Variants in FAM222B observed in about 807,000 individuals in gnomAD.
FAM222B encodes family with sequence similarity 222 member B, also known as protein FAM222B.
In FAM222B, 12 loss-of-function variants were observed where a neutral mutation model predicts 38.0. The ratio of observed to expected loss-of-function variants is 0.32; its 90% CI spans 0.20 to 0.51. The LOEUF (loss-of-function observed/expected upper bound fraction) is 0.51. Among genes scored for constraint, FAM222B ranks in the 20% least tolerant of loss-of-function variants. FAM222B has a pLI of 0.97. For missense variants in FAM222B, 716 were observed against 754.2 expected (o/e 0.95, Z 0.59); for synonymous variants, 329 against 317.2 (o/e 1.04, Z -0.40).
At chr17:28,799,589 G>A (rs2037122276) in intron 1 of FAM222B, among the ~76,000 whole-genome samples, 1 of 152,038 alleles carries the variant, frequency 6.6e-6, no homozygotes, top group Admixed American at 6.6e-5. Flanking sequence ...GATTACAGGC[G>A]TGAGCCACCG....
intron 1 of FAM222B, among the ~76,000 whole-genome samples, chr17:28,840,611 C>T (rs1486316381): frequency 2.0e-5 from 3 of 152,176 alleles, no homozygotes; most frequent in Non-Finnish European, 2.9e-5. Flanking sequence ...AGCGACAGGT[C>T]CCCGGAGCAG....
At chr17:28,852,828 CAGAG>C in intron 1 of FAM222B, among the ~76,000 whole-genome samples, 1 of 152,170 alleles carries the variant, frequency 6.6e-6, no homozygotes, top group South Asian at 2.1e-4. Context: ...GAGGCCAAGG[CAGAG>C]GATCACTTGA....
rs551034235 is a variant in FAM222B, at chr17:28,805,603, G to A, written c.-41+37079C>T. Among the ~76,000 whole-genome samples the A allele has an allele frequency of 6.6e-5, 10 of 151,836 alleles. No homozygotes were observed. The East Asian group carries it at 9.7e-4, about 15-fold the overall frequency. ...CAAGGGGTGGAGACTGCAGTGAGCCGTGATCACACTATATTCGAACCTGGA... is the reference window on the plus strand; with the variant it reads ...CAAGGGGTGGAGACTGCAGTGAGCCATGATCACACTATATTCGAACCTGGA... On this transcript the variant is annotated intron_variant, in intron 1 of 2. Transcript: ENST00000581407.
intron 2 of FAM222B, among the ~76,000 whole-genome samples, chr17:28,766,280 C>A (rs927252556): frequency 2.6e-5 from 4 of 151,926 alleles, no homozygotes; most frequent in East Asian, 1.9e-4. Flanking sequence ...CATGGTGAAA[C>A]CCTATCTCTA....
At chr17:28,786,847 A>C (rs2036431462) in intron 1 of FAM222B, among the ~76,000 whole-genome samples, 1 of 150,718 alleles carries the variant, frequency 6.6e-6, no homozygotes, top group African/African-American at 2.4e-5. Context: ...AATTCAGGGC[A>C]GGGAGAATGA....
At chr17:28,785,531 G>A (rs888638209) in intron 1 of FAM222B, among the ~76,000 whole-genome samples, 1 of 151,954 alleles carries the variant, frequency 6.6e-6, no homozygotes, top group Non-Finnish European at 1.5e-5. Context: ...ATGATGATGA[G>A]GATGAGGATG....
chr17:28,848,067 G>A (rs547878140), intron 1 of FAM222B, among the ~76,000 whole-genome samples: 15 of 152,232 alleles, frequency 9.9e-5, no homozygotes, highest in African/African-American at 2.9e-4. Context: ...ACCCTAGAGC[G>A]GTGTCTGGCA....
At chr17:28,835,367 T>A (rs913299140) in intron 1 of FAM222B, among the ~76,000 whole-genome samples, 2 of 152,034 alleles carry the variant, frequency 1.3e-5, no homozygotes, top group African/African-American at 4.8e-5. Context: ...ATTTTGTCAT[T>A]TATATTTTAA....
At chr17:28,822,541 G>A (rs28820029) in intron 1 of FAM222B, among the ~76,000 whole-genome samples, 28,390 of 150,136 alleles carry the variant, frequency 0.19, 2,817 homozygotes, top group South Asian at 0.3. Context: ...TAGGAGAATC[G>A]CTTGAACCCG....
chr17:28,835,825 C>T (rs1290502111), intron 1 of FAM222B, among the ~76,000 whole-genome samples: 18 of 151,892 alleles, frequency 1.2e-4, no homozygotes, highest in Admixed American at 9.9e-4. Flanking sequence ...GTGCATGCCA[C>T]CACACCCGGC....
chr17:28,808,113 C>T (rs2037577093), intron 1 of FAM222B, among the ~76,000 whole-genome samples: 1 of 152,202 alleles, frequency 6.6e-6, no homozygotes, highest in African/African-American at 2.4e-5. Flanking sequence ...TTTACTCTGT[C>T]CTATTTTTCC....
chr17:28,842,443 T>C (rs1462025337), intron 1 of FAM222B, among the ~76,000 whole-genome samples: 2 of 152,082 alleles, frequency 1.3e-5, no homozygotes, highest in African/African-American at 2.4e-5. Context: ...GAAGGGATGA[T>C]ACAAATGGGC....
chr17:28,784,628 A>G (rs1233579347), intron 1 of FAM222B, among the ~76,000 whole-genome samples: 2 of 151,004 alleles, frequency 1.3e-5, no homozygotes, highest in Non-Finnish European at 2.9e-5. Context: ...CAGGAGATCG[A>G]GACCATCCTG....
intron 1 of FAM222B, chr17:28,802,701 T>A: frequency 5.9e-6 from 1 of 168,308 alleles, no homozygotes; most frequent in Non-Finnish European, 1.4e-5. Flanking sequence ...AGTGTATCCC[T>A]GCGTGGTTGT....
intron 1 of FAM222B, among the ~76,000 whole-genome samples, chr17:28,836,058 C>T (rs991058475): frequency 6.6e-6 from 1 of 151,818 alleles, no homozygotes; most frequent in Non-Finnish European, 1.5e-5. Flanking sequence ...GGCATGATCT[C>T]GGCTCACTGA....
intron 1 of FAM222B, among the ~76,000 whole-genome samples, chr17:28,831,197 G>C (rs1307681419): frequency 6.6e-6 from 1 of 151,908 alleles, no homozygotes; most frequent in African/African-American, 2.4e-5. Context: ...GTTTCACCAT[G>C]TTGGCCAAGC....
intron 1 of FAM222B, among the ~76,000 whole-genome samples, chr17:28,813,422 A>G (rs1368176529): frequency 6.6e-6 from 1 of 152,192 alleles, no homozygotes; most frequent in Non-Finnish European, 1.5e-5. Context: ...TTTTTGCTAT[A>G]AAGTATATAA....
At chr17:28,809,913 AC>A (rs1306388837) in intron 1 of FAM222B, among the ~76,000 whole-genome samples, 2 of 152,140 alleles carry the variant, frequency 1.3e-5, no homozygotes, top group East Asian at 3.8e-4. Context: ...CATAAAAACC[AC>A]CCAGATATCA....
chr17:28,833,612 C>CAAAAAA (rs370065990), intron 1 of FAM222B, among the ~76,000 whole-genome samples: 1 of 73,200 alleles, frequency 1.4e-5, no homozygotes, highest in African/African-American at 5.2e-5. Context: ...GACTTTGTCT[C>CAAAAAA]AAAAAAAAAA....
Sources: allele counts gnomAD v4.1 joint callset (sites outside exome capture counted in the v4.1 genomes callset), GRCh38; gene constraint gnomAD v4.1.1; transcripts MANE v1.5; gene names NCBI Gene and HGNC (gene_info 2026-07-23, HGNC 2026-07-21).